C12orf75: variants seen among roughly 807,000 people sequenced by gnomAD.
C12orf75 encodes the protein overexpressed in colon carcinoma 1 protein.
In C12orf75, 4 loss-of-function variants were observed where a neutral mutation model predicts 11.4. The observed-to-expected ratio is 0.35, with a 90% CI of 0.17 to 0.80. C12orf75 has a LOEUF of 0.80. Ranked by LOEUF, C12orf75 falls within the 30% of genes least tolerant of loss-of-function variation. The pLI, the probability that C12orf75 is intolerant of heterozygous loss-of-function variation, is 0.52. For synonymous variants in C12orf75, 30 were observed against 30.0 expected, an observed-to-expected ratio of 1.00 and a Z score of 0.00; for missense variants, 89 against 80.4, an observed-to-expected ratio of 1.11 and a Z score of -0.41.
At chr12:105,337,653 T>C (rs10861400) in intron 1 of C12orf75, among the ~76,000 whole-genome samples, 28,006 of 152,246 alleles carry the variant, frequency 0.18, 2,932 homozygotes, top group Non-Finnish European at 0.24. Flanking sequence ...GCCAGGTCTT[T>C]AGGTTTCACA....
At chr12:105,332,226 A>G (rs1033801743) in intron 1 of C12orf75, among the ~76,000 whole-genome samples, 7 of 152,156 alleles carry the variant, frequency 4.6e-5, no homozygotes, top group Non-Finnish European at 1.0e-4. Context: ...GTCTCAGTCT[A>G]CTAGGTACTG....
intron 1 of C12orf75, 85 bp from the exon 2 acceptor site, chr12:105,348,517 T>C: frequency 3.5e-6 from 3 of 849,212 alleles, no homozygotes; most frequent in East Asian, 3.2e-5. Context: ...TTCAGGAATA[T>C]TACTGTATTT....
intron 2 of C12orf75, among the ~76,000 whole-genome samples, chr12:105,353,299 A>G (rs1892737258): frequency 6.6e-6 from 1 of 152,218 alleles, no homozygotes; most frequent in African/African-American, 2.4e-5. Flanking sequence ...TTTATATCTT[A>G]TCAGCTTCCT....
Position 105,344,043 on chromosome 12 carries a change from A to T in C12orf75, c.47-4559A>T, listed in dbSNP as rs537113129. The stretch of plus-strand genomic sequence containing the variant: ...ATGCATCTCCCTTGGGCCTGCTGGG[A>T]TGTTAAATGGTGAGCCCAGCAGGGA... On this transcript the variant is annotated intron_variant, in intron 1 of 5. Coordinates refer to ENST00000443585, the MANE Select transcript of C12orf75 (RefSeq NM_001145199.2). Among the ~76,000 whole-genome samples, 10 of 152,194 alleles carry T rather than the reference A, an allele frequency of 6.6e-5. No individual in the cohort carries two copies. In the South Asian group the frequency reaches 2.1e-3, roughly 32 times the overall value.
At chr12:105,358,032 GA>G (rs1021646323) in intron 2 of C12orf75, among the ~76,000 whole-genome samples, 1 of 152,024 alleles carries the variant, frequency 6.6e-6, no homozygotes, top group African/African-American at 2.4e-5. Flanking sequence ...ATTTTTTGAA[GA>G]AACAGGGTCT....
chr12:105,367,681 G>C (rs1871519502), intron 5 of C12orf75, among the ~76,000 whole-genome samples, 172 bp downstream of exon 5: 3 of 152,110 alleles, frequency 2.0e-5, no homozygotes, highest in Admixed American at 2.0e-4. Context: ...TGAATAATCA[G>C]ATCAATTTTC....
Position 105,362,527 on chromosome 12 carries a change from T to C in C12orf75, c.72-3280T>C, listed in dbSNP as rs188351258. Among the ~76,000 whole-genome samples, 817 of 135,780 alleles carry C rather than the reference T, an allele frequency of 6.0e-3. 20 individuals are homozygous for C. The East Asian group carries it at 0.069, about 12-fold the overall frequency. 89.1% of individuals were successfully genotyped at this position (135,780 alleles called of 152,430 possible). A position where few individuals can be genotyped will look rare whatever the true frequency, so the allele number is the denominator to read the frequency against. The stretch of plus-strand genomic sequence containing the variant: ...CTAAAAATACAAAAAATTAGCCGGG[T>C]GTGGTGGCGGGTGCCTGTAGTCCCA... On this transcript the variant is annotated intron_variant, in intron 2 of 5. Transcript: ENST00000443585.
chr12:105,352,662 G>A (rs1225330959), intron 2 of C12orf75, among the ~76,000 whole-genome samples: 1 of 152,096 alleles, frequency 6.6e-6, no homozygotes, highest in Non-Finnish European at 1.5e-5. Flanking sequence ...GGATATTGCT[G>A]TAGGCTAAAA....
Position 105,371,224 on chromosome 12 carries a change from A to G in C12orf75, c.*624A>G, listed in dbSNP as rs1230464303. On this transcript the variant is annotated 3_prime_UTR_variant, in exon 6 of 6. Coordinates refer to ENST00000443585, the MANE Select transcript of C12orf75 (RefSeq NM_001145199.2). ...GGAACAATGTGTATTTCATTGCACTATTTAAAAATAAACTCAAATTTGCAT... is the reference window on the plus strand; with the variant it reads ...GGAACAATGTGTATTTCATTGCACTGTTTAAAAATAAACTCAAATTTGCAT... 1 of 152,772 alleles carries G rather than the reference A, an allele frequency of 6.5e-6. No individual in the cohort carries two copies. Among genetic ancestry groups the G allele is most frequent in the Non-Finnish European group, 1.5e-5 (1 of 68,388 alleles). 9.5% of individuals were successfully genotyped at this position (152,772 alleles called of 1,614,324 possible).
chr12:105,352,735 G>A (rs1185039440), intron 2 of C12orf75, among the ~76,000 whole-genome samples: 1 of 152,144 alleles, frequency 6.6e-6, no homozygotes, highest in Non-Finnish European at 1.5e-5. Context: ...CTCTCTGGTG[G>A]TGGAGAGAAT....
intron 1 of C12orf75, among the ~76,000 whole-genome samples, chr12:105,335,625 C>T (rs978976022): frequency 7.2e-5 from 11 of 151,978 alleles, no homozygotes; most frequent in Admixed American, 3.3e-4. Context: ...ATTTTGTTTA[C>T]GGCTGTATCC....
chr12:105,346,469 A>AT (rs202115761), intron 1 of C12orf75, among the ~76,000 whole-genome samples: 2 of 152,108 alleles, frequency 1.3e-5, no homozygotes, highest in East Asian at 1.9e-4. Context: ...ATTTTTGTTA[A>AT]TTTTTTTCTA....
intron 4 of C12orf75, among the ~76,000 whole-genome samples, chr12:105,367,019 A>G (rs997821607): frequency 2.6e-5 from 4 of 152,232 alleles, no homozygotes; most frequent in African/African-American, 9.6e-5. Flanking sequence ...AGAAAGGTAA[A>G]TTTCTGTAAT....
chr12:105,369,341 A>G (rs1350451817), intron 5 of C12orf75, among the ~76,000 whole-genome samples: 1 of 152,182 alleles, frequency 6.6e-6, no homozygotes, highest in East Asian at 1.9e-4. Context: ...TCATGGCTGT[A>G]AATTTATCGT....
chr12:105,368,125 A>G (rs112691634), intron 5 of C12orf75, among the ~76,000 whole-genome samples: 6 of 152,224 alleles, frequency 3.9e-5, no homozygotes, highest in African/African-American at 1.4e-4. Context: ...ATAATAAGAA[A>G]CAAGAACAAC....
chr12:105,356,439 CTTTTTTTTTTTT>C (rs77310165), intron 2 of C12orf75, among the ~76,000 whole-genome samples: 1 of 106,322 alleles, frequency 9.4e-6, no homozygotes, highest in African/African-American at 3.3e-5. Flanking sequence ...AGACTACAGG[CTTTTTTTTTTTT>C]TTTTTTTTTG....
chr12:105,334,666 T>G (rs1362297218), intron 1 of C12orf75, among the ~76,000 whole-genome samples: 2 of 152,320 alleles, frequency 1.3e-5, no homozygotes, highest in Non-Finnish European at 1.5e-5. Context: ...AGTGTCACAT[T>G]TGTTATAAGG....
At chr12:105,349,234 A>G (rs1892680917) in intron 2 of C12orf75, among the ~76,000 whole-genome samples, 1 of 152,166 alleles carries the variant, frequency 6.6e-6, no homozygotes, top group Non-Finnish European at 1.5e-5. Flanking sequence ...TAGCAAGGAC[A>G]CTACAGCAGT....
chr12:105,330,719 T>G lies in C12orf75; in HGVS notation c.-173T>G. On this transcript the variant is annotated 5_prime_UTR_variant, in exon 1 of 6. Transcript: ENST00000443585. ...TTCCGCCCGGCAGCCCGCAGCCCGC[T>G]GCGCCCCGGGCCGCGTCTCCCGGCG... The G allele has an allele frequency of 3.8e-6, 2 of 526,788 alleles. No individual in the cohort carries two copies. Among genetic ancestry groups the G allele is most frequent in the Non-Finnish European group, 5.4e-6 (2 of 372,406 alleles). 32.6% of individuals were successfully genotyped at this position (526,788 alleles called of 1,614,324 possible). A position where few individuals can be genotyped will look rare whatever the true frequency, so the allele number is the denominator to read the frequency against.
Sources: gnomAD v4.1 joint callset for allele counts (sites outside exome capture counted in the v4.1 genomes callset) on GRCh38, gnomAD v4.1.1 for gene constraint, MANE v1.5 for transcripts, NCBI Gene and HGNC (gene_info 2026-07-23, HGNC 2026-07-21) for gene names.